Variants in PCSK5 observed in about 807,000 individuals in gnomAD.
PCSK5 encodes the protein prohormone convertase 5.
Under a neutral mutation model 233.2 loss-of-function variants are expected in PCSK5, and 129 were observed. That is an observed-to-expected ratio of 0.55 (90% CI 0.48 to 0.64). The LOEUF (loss-of-function observed/expected upper bound fraction) is 0.64. PCSK5 is among the 30% of genes least tolerant of loss of function. PCSK5 has a pLI of 0.00. For missense variants in PCSK5, 2,076 were observed against 2,430.1 expected (o/e 0.85, Z 3.06); for synonymous variants, 825 against 879.2 (o/e 0.94, Z 1.09).
chr9:76,234,594 G>A (rs1826193732), intron 22 of PCSK5, among the ~76,000 whole-genome samples: 1 of 152,102 alleles, frequency 6.6e-6, no homozygotes, highest in Non-Finnish European at 1.5e-5. Context: ...TGTTTCATGT[G>A]TCAAAACATG....
chr9:76,346,529 T>A (rs1324518303), intron 35 of PCSK5, among the ~76,000 whole-genome samples: 1 of 152,204 alleles, frequency 6.6e-6, no homozygotes, highest in Non-Finnish European at 1.5e-5. Context: ...AAGTTTTCTG[T>A]CTTTGGTGCT....
In PCSK5 at chr9:76,328,172, G is replaced by A; in HGVS notation, c.4503G>A (p.Lys1501=). ...DAPGCKPCHV[K]CFHCMGPAED... is the part of the protein sequence containing the mutation. ...CCGGGTGCAAGCCCTGCCATGTTAAGTGCTTCCACTGCATGGGGCCGGCGG... is the reference window on the plus strand; with the variant it reads ...CCGGGTGCAAGCCCTGCCATGTTAAATGCTTCCACTGCATGGGGCCGGCGG... The change falls in exon 33 of 38, where the codon AAG becomes AAA. Residue 1501 remains lysine (K), a synonymous_variant. Coordinates refer to ENST00000674117, the MANE Select transcript of PCSK5 (RefSeq NM_001372043.1). 6.2e-7 allele frequency: 1 copy of A among 1,612,898 alleles called. No homozygotes were observed. The highest frequency in any genetic ancestry group is 8.5e-7 in the Non-Finnish European group (1 of 1,179,890).
At chr9:76,322,052 C>T (rs780677619) in intron 31 of PCSK5, among the ~76,000 whole-genome samples, 10 of 151,796 alleles carry the variant, frequency 6.6e-5, no homozygotes, top group Non-Finnish European at 1.0e-4. Flanking sequence ...CATGTTTAAG[C>T]GATTCTCCTG....
At chr9:76,116,947 G>A (rs1466488213) in intron 9 of PCSK5, among the ~76,000 whole-genome samples, 4 of 152,116 alleles carry the variant, frequency 2.6e-5, no homozygotes, top group Admixed American at 2.6e-4. Context: ...CAAAAGTATG[G>A]ATAGGTATCT....
intron 10 of PCSK5, among the ~76,000 whole-genome samples, chr9:76,142,077 T>C (rs1271545560): frequency 6.6e-6 from 1 of 152,044 alleles, no homozygotes; most frequent in Non-Finnish European, 1.5e-5. Context: ...CACAGCCCCA[T>C]GACATGAGTT....
intron 30 of PCSK5, among the ~76,000 whole-genome samples, chr9:76,317,036 G>T (rs948678880): frequency 2.0e-5 from 3 of 152,008 alleles, no homozygotes; most frequent in African/African-American, 7.2e-5. Context: ...TACCTAGACT[G>T]CTTTCTTCTC....
intron 28 of PCSK5, 60 bp from the exon 29 acceptor site, chr9:76,308,585 C>A: frequency 1.1e-6 from 1 of 940,734 alleles, no homozygotes; most frequent in Non-Finnish European, 1.7e-6. Context: ...TTTTTCAGTA[C>A]TGGAATCCTA....
At chr9:75,966,703 A>G (rs1045138127) in intron 2 of PCSK5, among the ~76,000 whole-genome samples, 5 of 152,180 alleles carry the variant, frequency 3.3e-5, no homozygotes, top group African/African-American at 1.2e-4. Flanking sequence ...GAAGAGAACC[A>G]TTTTCTACCA....
chr9:76,215,475 C>T (rs1000532782), intron 20 of PCSK5, among the ~76,000 whole-genome samples: 8 of 152,058 alleles, frequency 5.3e-5, no homozygotes, highest in Middle Eastern at 3.2e-3. Context: ...CCAGGACCCC[C>T]GATATGGGGC....
chr9:76,165,904 G>A (rs1411557375), intron 12 of PCSK5, among the ~76,000 whole-genome samples: 1 of 149,966 alleles, frequency 6.7e-6, no homozygotes, highest in African/African-American at 2.4e-5. Flanking sequence ...CGTAGCAGGT[G>A]TCCATGGTTC....
intron 35 of PCSK5, among the ~76,000 whole-genome samples, chr9:76,349,745 A>G (rs545225424): frequency 1.3e-5 from 2 of 152,346 alleles, no homozygotes; most frequent in African/African-American, 4.8e-5. Flanking sequence ...CTCCCATTTA[A>G]AAATTATCAG....
rs112637473 is a variant in PCSK5, at chr9:75,903,849, A to G, written c.192+12476A>G. Among the ~76,000 whole-genome samples the G allele has an allele frequency of 6.0e-3, 906 of 151,916 alleles. 11 individuals are homozygous for G. Among genetic ancestry groups the G allele is most frequent in the East Asian group, 0.025 (131 of 5,160 alleles). On this transcript the variant is annotated intron_variant, in intron 1 of 37. Coordinates refer to ENST00000674117, the MANE Select transcript of PCSK5 (RefSeq NM_001372043.1). Reference sequence around the variant, plus strand: ...AGATCATCCCAGGGCCTATAATTTTATAAGCAAATATCCATAATGTAAATT... The same window carrying G: ...AGATCATCCCAGGGCCTATAATTTTGTAAGCAAATATCCATAATGTAAATT...
chr9:76,266,879 C>T (rs1827349437), intron 24 of PCSK5, among the ~76,000 whole-genome samples: 1 of 147,508 alleles, frequency 6.8e-6, no homozygotes, highest in Non-Finnish European at 1.5e-5. Flanking sequence ...CATTGAGACC[C>T]TTTGGACTAA....
chr9:76,247,039 G>T (rs1826629694), intron 24 of PCSK5, among the ~76,000 whole-genome samples: 1 of 152,228 alleles, frequency 6.6e-6, no homozygotes, highest in Non-Finnish European at 1.5e-5. Flanking sequence ...TCACGGAAGA[G>T]AACCGTGGAA....
At chr9:75,907,392 T>A (rs1826306051) in intron 1 of PCSK5, among the ~76,000 whole-genome samples, 1 of 152,166 alleles carries the variant, frequency 6.6e-6, no homozygotes, top group Non-Finnish European at 1.5e-5. Context: ...AAATCAGTAG[T>A]GCATTGTTTA....
rs186594591 is a variant in PCSK5 at position 76,352,310 on chromosome 9, C to T, written c.5067+1382C>T. On this transcript the variant is annotated intron_variant, in intron 36 of 37. Transcript: ENST00000674117. ...AACCATCAGAGGTCACTCTCATTGC[C>T]ATCTTGGTTTAGGTGGGTTTTGGCT... Among the ~76,000 whole-genome samples the T allele has an allele frequency of 1.6e-4, 24 of 152,238 alleles. No homozygotes were observed. In the East Asian group the frequency reaches 4.6e-3, roughly 29 times the overall value.
At chr9:76,161,008 A>G (rs1822829191) in intron 12 of PCSK5, among the ~76,000 whole-genome samples, 1 of 152,118 alleles carries the variant, frequency 6.6e-6, no homozygotes, top group South Asian at 2.1e-4. Flanking sequence ...TCCCAACCTC[A>G]AGTGATCCTC....
chr9:76,019,904 T>C (rs948653711), intron 3 of PCSK5, among the ~76,000 whole-genome samples: 1 of 152,264 alleles, frequency 6.6e-6, no homozygotes, highest in African/African-American at 2.4e-5. Flanking sequence ...GTGTCATTTC[T>C]AAATACCTAA....
chr9:76,343,219 C>T (rs192452040), intron 35 of PCSK5, among the ~76,000 whole-genome samples: 14 of 149,418 alleles, frequency 9.4e-5, no homozygotes, highest in Non-Finnish European at 1.6e-4. Context: ...GGCTGGCATG[C>T]GGTGGCATGA....
Sources: gnomAD v4.1 joint callset for allele counts (sites outside exome capture counted in the v4.1 genomes callset) on GRCh38, gnomAD v4.1.1 for gene constraint, MANE v1.5 for transcripts, NCBI Gene and HGNC (gene_info 2026-07-23, HGNC 2026-07-21) for gene names.